CNTNAP2: variants seen among roughly 807,000 people sequenced by gnomAD.
The protein encoded by CNTNAP2 is contactin associated protein 2.
Under a neutral mutation model 155.2 loss-of-function variants are expected in CNTNAP2, and 98 were observed. The observed-to-expected ratio is 0.63, with a 90% confidence interval of 0.54 to 0.75. The LOEUF is 0.75. Among genes scored for constraint, CNTNAP2 ranks in the 30% least tolerant of loss-of-function variants. The probability of loss-of-function intolerance (pLI) is 0.00; values close to 1 mark genes in which losing one functional copy is unlikely to be tolerated. For synonymous variants in CNTNAP2, 651 were observed against 631.2 expected, an observed-to-expected ratio of 1.03 and a Z score of -0.47; for missense variants, 1,727 against 1,688.1, an observed-to-expected ratio of 1.02 and a Z score of -0.40.
intron 3 of CNTNAP2, among the ~76,000 whole-genome samples, chr7:146,981,308 T>G (rs1435607179): frequency 6.6e-6 from 1 of 152,234 alleles, no homozygotes; most frequent in Non-Finnish European, 1.5e-5. Flanking sequence ...TTCTGATTTA[T>G]TCGTGTAAAT....
chr7:146,375,660 ACT>A (rs760708029), intron 1 of CNTNAP2, among the ~76,000 whole-genome samples: 11 of 152,270 alleles, frequency 7.2e-5, no homozygotes, highest in Non-Finnish European at 1.3e-4. Flanking sequence ...TTAATGAATA[ACT>A]CTGATTGCTT....
Position 147,132,434 on chromosome 7 carries a change from G to GAAAA in CNTNAP2, c.1274_1275insAAAA (p.Asp425GlufsTer5). On this transcript the variant is annotated frameshift_variant, in exon 8 of 24. Transcript: ENST00000361727. LOFTEE classifies it high-confidence loss of function. ...GGATAATTTGGGCAATGTGGAGATT[G>GAAAA]ACCTCACTGAAAGCAAAGTGGGTGT... is the stretch of plus-strand genomic sequence containing the variant. 1.9e-6 allele frequency: 3 copies of GAAAA among 1,613,602 alleles called. No individual in the cohort carries two copies. The highest frequency in any genetic ancestry group is 2.5e-6 in the Non-Finnish European group (3 of 1,179,748).
chr7:148,238,982 C>T (rs1534700), intron 20 of CNTNAP2, among the ~76,000 whole-genome samples: 107,126 of 152,154 alleles, frequency 0.7, 39,203 homozygotes, highest in East Asian at 0.95. Flanking sequence ...TTTGGAAGCA[C>T]TAAATTTTTT....
intron 10 of CNTNAP2, among the ~76,000 whole-genome samples, chr7:147,447,122 C>G (rs1352018001): frequency 6.6e-6 from 1 of 152,044 alleles, no homozygotes; most frequent in Non-Finnish European, 1.5e-5. Context: ...GAGACAGATT[C>G]AGCTGTGAAC....
At chr7:147,628,866 GT>G (rs1378722792) in intron 12 of CNTNAP2, among the ~76,000 whole-genome samples, 1 of 80,008 alleles carries the variant, frequency 1.2e-5, no homozygotes, top group Admixed American at 1.3e-4. Context: ...GCCAACAGCA[GT>G]TAAAAAAAAA....
chr7:146,678,160 C>A (rs1272370938), intron 1 of CNTNAP2, among the ~76,000 whole-genome samples: 1 of 151,930 alleles, frequency 6.6e-6, no homozygotes, highest in Non-Finnish European at 1.5e-5. Context: ...CCTCTGCCTC[C>A]CAGGTTCAAG....
chr7:146,152,761 G>T (rs1798070466), intron 1 of CNTNAP2, among the ~76,000 whole-genome samples: 1 of 152,088 alleles, frequency 6.6e-6, no homozygotes, highest in South Asian at 2.1e-4. Flanking sequence ...ACTTTGTGAT[G>T]AACACGAAGT....
intron 1 of CNTNAP2, among the ~76,000 whole-genome samples, chr7:146,769,148 C>A (rs1434787421): frequency 1.3e-5 from 2 of 152,168 alleles, no homozygotes; most frequent in African/African-American, 4.8e-5. Context: ...AATTTTCATC[C>A]AAGATTCCCT....
intron 12 of CNTNAP2, among the ~76,000 whole-genome samples, chr7:147,567,682 G>A (rs917189537): frequency 7.9e-5 from 12 of 152,274 alleles, no homozygotes; most frequent in Admixed American, 5.9e-4. Context: ...AGGAAAACTA[G>A]GAAAAGGGTA....
intron 1 of CNTNAP2, among the ~76,000 whole-genome samples, chr7:146,256,490 C>A (rs1411954356): frequency 6.6e-6 from 1 of 151,488 alleles, no homozygotes; most frequent in Non-Finnish European, 1.5e-5. Context: ...TTTTTGCTTT[C>A]TATGACAAAA....
At chr7:147,811,945 T>C (rs1351419585) in intron 13 of CNTNAP2, among the ~76,000 whole-genome samples, 1 of 152,010 alleles carries the variant, frequency 6.6e-6, no homozygotes, top group Non-Finnish European at 1.5e-5. Context: ...CGCAAGAACA[T>C]TAAGTAGGTA....
intron 3 of CNTNAP2, among the ~76,000 whole-genome samples, chr7:147,033,463 C>A (rs1799084329): frequency 6.6e-6 from 1 of 151,736 alleles, no homozygotes; most frequent in Non-Finnish European, 1.5e-5. Context: ...TTACACATTA[C>A]CCTGGTGTCT....
At chr7:147,647,260 CA>C (rs1270627937) in intron 13 of CNTNAP2, among the ~76,000 whole-genome samples, 2 of 151,714 alleles carry the variant, frequency 1.3e-5, no homozygotes, top group Non-Finnish European at 2.9e-5. Flanking sequence ...CTTGGCCTCC[CA>C]AAGTGTTAGG....
chr7:147,823,028 C>T (rs552895410), intron 13 of CNTNAP2, among the ~76,000 whole-genome samples: 26 of 152,294 alleles, frequency 1.7e-4, no homozygotes, highest in South Asian at 8.3e-4. Flanking sequence ...AAGCTTGCTT[C>T]GCAATAATCC....
intron 1 of CNTNAP2, among the ~76,000 whole-genome samples, chr7:146,152,679 A>G (rs1344483636): frequency 1.3e-5 from 2 of 152,136 alleles, no homozygotes; most frequent in African/African-American, 4.8e-5. Context: ...AAAATAAAAT[A>G]ATATAATTAC....
intron 13 of CNTNAP2, among the ~76,000 whole-genome samples, chr7:147,878,361 G>A (rs1310492158): frequency 6.6e-6 from 1 of 151,920 alleles, no homozygotes; most frequent in Admixed American, 6.6e-5. Context: ...TTCTAATACA[G>A]TATTTGACTC....
intron 13 of CNTNAP2, among the ~76,000 whole-genome samples, chr7:147,669,740 A>C (rs2116964080): frequency 6.6e-6 from 1 of 152,264 alleles, no homozygotes; most frequent in South Asian, 2.1e-4. Context: ...TGGCACCACC[A>C]TTGTCCGCCT....
Position 147,503,895 on chromosome 7 carries a change from G to A in CNTNAP2, c.1777+17854G>A, listed in dbSNP as rs1798862123. On this transcript the variant is annotated intron_variant, in intron 11 of 23. Coordinates refer to ENST00000361727, the MANE Select transcript of CNTNAP2 (RefSeq NM_014141.6). ...TTTTTCATTTTGAACACACTCTGTG[G>A]GTTTAAAGAACCCTGAGGAGAAGGG... Among the ~76,000 whole-genome samples the A allele has an allele frequency of 2.0e-5, 3 of 152,186 alleles. No homozygotes were observed. In the South Asian group the frequency reaches 6.2e-4, roughly 32 times the overall value.
At chr7:147,166,746 CAGA>C (rs1182654666) in intron 8 of CNTNAP2, among the ~76,000 whole-genome samples, 1 of 151,596 alleles carries the variant, frequency 6.6e-6, no homozygotes, top group African/African-American at 2.4e-5. Flanking sequence ...CTCTGGTGGG[CAGA>C]GTGGGGGTCA....
Sources: allele counts gnomAD v4.1 joint callset (sites outside exome capture counted in the v4.1 genomes callset), GRCh38; gene constraint gnomAD v4.1.1; transcripts MANE v1.5; gene names NCBI Gene and HGNC (gene_info 2026-07-23, HGNC 2026-07-21).